FAM163A: variants seen among roughly 807,000 people sequenced by gnomAD.
FAM163A encodes family with sequence similarity 163 member A, also known as protein FAM163A.
In FAM163A, 7 loss-of-function variants were observed where a neutral mutation model predicts 12.0. That is an observed-to-expected ratio of 0.58 (90% CI 0.33 to 1.10). The LOEUF is 1.10. Ranked by LOEUF, FAM163A falls within the 50% of genes least tolerant of loss-of-function variation. The probability of loss-of-function intolerance (pLI) is 0.03; values close to 1 mark genes in which losing one functional copy is unlikely to be tolerated. For synonymous variants in FAM163A, 101 were observed against 91.0 expected (o/e 1.11, Z -0.62); for missense variants, 202 against 218.6 (o/e 0.92, Z 0.48).
At chr1:179,798,818 A>G (rs1399054213) in intron 1 of FAM163A, among the ~76,000 whole-genome samples, 1 of 152,152 alleles carries the variant, frequency 6.6e-6, no homozygotes, top group African/African-American at 2.4e-5. Flanking sequence ...ACTTGTGTAT[A>G]TCCTTCTGTG....
chr1:179,745,177 C>T (rs1381193967), intron 1 of FAM163A, among the ~76,000 whole-genome samples: 3 of 152,034 alleles, frequency 2.0e-5, no homozygotes, highest in Admixed American at 6.5e-5. Context: ...GTGTGGCTCT[C>T]GGAGGGTCCT....
At chr1:179,745,744 T>C (rs1459934460) in intron 1 of FAM163A, among the ~76,000 whole-genome samples, 1 of 152,228 alleles carries the variant, frequency 6.6e-6, no homozygotes, top group Non-Finnish European at 1.5e-5. Context: ...TTTCGTGTGA[T>C]GAAACTGAGT....
chr1:179,779,123 G>T (rs917537462), intron 1 of FAM163A, among the ~76,000 whole-genome samples: 1 of 152,208 alleles, frequency 6.6e-6, no homozygotes. Flanking sequence ...TATTAACGGT[G>T]ATTAATTTGG....
At chr1:179,773,033 C>A (rs1029411463) in intron 1 of FAM163A, among the ~76,000 whole-genome samples, 1 of 148,746 alleles carries the variant, frequency 6.7e-6, no homozygotes, top group South Asian at 2.2e-4. Context: ...CATGGCCATA[C>A]TAGATACAAG....
In FAM163A at chr1:179,748,949, C is replaced by T. The variant is rs561060468; in HGVS notation, c.-136+5526C>T. Among the ~76,000 whole-genome samples, 5 of 152,284 alleles carry T rather than the reference C, an allele frequency of 3.3e-5. No homozygotes were observed. In the South Asian group the frequency reaches 1.0e-3, roughly 32 times the overall value. Reference sequence around the variant, plus strand: ...TTGTAACATGAAACGTTTATATCCCCATAAAATAGTCAACTATGATTTTTC... The same window carrying T: ...TTGTAACATGAAACGTTTATATCCCTATAAAATAGTCAACTATGATTTTTC... On this transcript the variant is annotated intron_variant, in intron 1 of 4. Coordinates refer to ENST00000341785, the MANE Select transcript of FAM163A (RefSeq NM_173509.3).
chr1:179,744,590 G>A (rs1008420566), intron 1 of FAM163A, among the ~76,000 whole-genome samples: 1 of 152,210 alleles, frequency 6.6e-6, no homozygotes, highest in Non-Finnish European at 1.5e-5. Context: ...GTCACACTGG[G>A]GGTTCCTTTC....
At chr1:179,733,747 C>T in the FAM163A span, among the ~76,000 whole-genome samples, 2 of 152,092 alleles carry the variant, frequency 1.3e-5, no homozygotes, top group African/African-American at 4.8e-5. Context: ...CCACCTGGTC[C>T]CACACATCCA....
chr1:179,792,820 A>C (rs993915717), intron 1 of FAM163A, among the ~76,000 whole-genome samples: 11 of 152,052 alleles, frequency 7.2e-5, no homozygotes, highest in Non-Finnish European at 1.3e-4. Context: ...GAGATAGAAA[A>C]GTGTGCCCAG....
chr1:179,729,335 C>T, the FAM163A span, among the ~76,000 whole-genome samples: 219 of 152,294 alleles, frequency 1.4e-3, 2 homozygotes, highest in South Asian at 1.2e-3. Context: ...ATAATATAGA[C>T]ACTCTGTAAA....
At chr1:179,796,202 T>C (rs556650130) in intron 1 of FAM163A, among the ~76,000 whole-genome samples, 1 of 152,120 alleles carries the variant, frequency 6.6e-6, no homozygotes, top group East Asian at 1.9e-4. Flanking sequence ...CTAATCTATC[T>C]ATTTCTTCTC....
chr1:179,788,379 T>C (rs1690946220), intron 1 of FAM163A, among the ~76,000 whole-genome samples: 1 of 152,224 alleles, frequency 6.6e-6, no homozygotes, highest in Non-Finnish European at 1.5e-5. Flanking sequence ...GCCCATTTAC[T>C]TCCTCCTAGG....
intron 1 of FAM163A, among the ~76,000 whole-genome samples, chr1:179,800,693 G>A (rs538463322): frequency 2.3e-4 from 35 of 152,308 alleles, no homozygotes; most frequent in Middle Eastern, 6.8e-3. Flanking sequence ...TCCATGCCAG[G>A]CATTTTCCTT....
upstream of FAM163A, among the ~76,000 whole-genome samples, chr1:179,741,494 T>C (rs181890378): frequency 8.0e-4 from 122 of 152,342 alleles, no homozygotes; most frequent in African/African-American, 2.8e-3. Context: ...TCATTAGCAA[T>C]AGCACTTGTA....
intron 1 of FAM163A, among the ~76,000 whole-genome samples, chr1:179,772,404 A>C (rs563705846): frequency 1.1e-3 from 166 of 152,280 alleles, no homozygotes; most frequent in Non-Finnish European, 1.2e-3. Context: ...TCTCCAGACC[A>C]TTGTCTACTC....
At chr1:179,794,338 G>A (rs968443679) in intron 1 of FAM163A, among the ~76,000 whole-genome samples, 3 of 152,226 alleles carry the variant, frequency 2.0e-5, no homozygotes, top group African/African-American at 2.4e-5. Flanking sequence ...GTTTATGCCA[G>A]TTGTCCCAGC....
chr1:179,813,285 C>T (rs1402024503), intron 4 of FAM163A, 95 bp downstream of exon 4: 1 of 1,173,658 alleles, frequency 8.5e-7, no homozygotes, highest in Non-Finnish European at 1.2e-6. Context: ...CTTCAGGGCC[C>T]ACAGAGCCCA....
chr1:179,730,064 G>T, the FAM163A span, among the ~76,000 whole-genome samples: 2 of 152,096 alleles, frequency 1.3e-5, no homozygotes, highest in African/African-American at 4.8e-5. Flanking sequence ...GTTTGAGATA[G>T]GTAATCAAAA....
intron 3 of FAM163A, 51 bp from the exon 4 acceptor site, chr1:179,813,025 G>A (rs1571610738): frequency 6.6e-7 from 1 of 1,517,894 alleles, no homozygotes; most frequent in East Asian, 2.5e-5. Context: ...CCCCGGCCCA[G>A]CCCAGGGCTG....
At chr1:179,745,696 G>A (rs1274697225) in intron 1 of FAM163A, among the ~76,000 whole-genome samples, 1 of 152,230 alleles carries the variant, frequency 6.6e-6, no homozygotes, top group East Asian at 1.9e-4. Flanking sequence ...CTATGTGCCA[G>A]ACACAAGGTT....
Sources: gnomAD v4.1 joint callset for allele counts (sites outside exome capture counted in the v4.1 genomes callset) on GRCh38, gnomAD v4.1.1 for gene constraint, MANE v1.5 for transcripts, NCBI Gene and HGNC (gene_info 2026-07-23, HGNC 2026-07-21) for gene names.